Variants in CSMD3 observed in about 807,000 individuals in gnomAD.
CSMD3 encodes CUB and sushi domain-containing protein 3.
In CSMD3, 177 loss-of-function variants were observed where a neutral mutation model predicts 435.2. That is an observed-to-expected ratio of 0.41 (90% confidence interval 0.36 to 0.46). CSMD3 has a LOEUF of 0.46. Ranked by LOEUF, CSMD3 falls within the 20% of genes least tolerant of loss-of-function variation. The pLI is 0.34. For missense variants in CSMD3, 4,265 were observed against 4,504.6 expected, an observed-to-expected ratio of 0.95 and a Z score of 1.52; for synonymous variants, 1,656 against 1,520.5, an observed-to-expected ratio of 1.09 and a Z score of -2.07.
chr8:112,941,970 A>T (rs1170877983), intron 9 of CSMD3, among the ~76,000 whole-genome samples: 2 of 149,678 alleles, frequency 1.3e-5, no homozygotes, highest in Admixed American at 6.6e-5. Context: ...ATTAAAGTTC[A>T]TAATTACATT....
chr8:113,307,131 G>A (rs1238916800), intron 2 of CSMD3, among the ~76,000 whole-genome samples: 3 of 151,896 alleles, frequency 2.0e-5, no homozygotes, highest in Non-Finnish European at 2.9e-5. Context: ...ATCCAAAGAG[G>A]GAGAAGAGTA....
At chr8:113,215,110 G>T (rs1160224908) in intron 3 of CSMD3, among the ~76,000 whole-genome samples, 1 of 151,774 alleles carries the variant, frequency 6.6e-6, no homozygotes, top group Non-Finnish European at 1.5e-5. Flanking sequence ...CATTTTTATG[G>T]CTTTAAAGAT....
chr8:112,925,881 A>T (rs977073156), intron 9 of CSMD3, among the ~76,000 whole-genome samples: 2 of 152,192 alleles, frequency 1.3e-5, no homozygotes, highest in Non-Finnish European at 1.5e-5. Flanking sequence ...AGGGAATGGG[A>T]TATTTTAAAA....
chr8:112,832,457 T>C (rs1168687367), intron 11 of CSMD3, among the ~76,000 whole-genome samples: 1 of 152,084 alleles, frequency 6.6e-6, no homozygotes, highest in Non-Finnish European at 1.5e-5. Flanking sequence ...GAGATTCCCT[T>C]TAAAAGAAGG....
intron 5 of CSMD3, among the ~76,000 whole-genome samples, chr8:113,029,035 A>G (rs1415552611): frequency 1.3e-5 from 2 of 151,564 alleles, no homozygotes; most frequent in African/African-American, 4.8e-5. Flanking sequence ...AGACAGACTG[A>G]CTGTGTTGTC....
intron 35 of CSMD3, 74 bp from the exon 36 acceptor site, chr8:112,390,862 T>G: frequency 3.7e-6 from 5 of 1,365,836 alleles, no homozygotes; most frequent in Non-Finnish European, 5.2e-6. Context: ...AGGTCAGAGA[T>G]AACATCTTAG....
In CSMD3 at chr8:113,398,950, G is replaced by A. The variant is rs1292133824; in HGVS notation, c.178+37727C>T. On this transcript the variant is annotated intron_variant, in intron 1 of 70. Transcript: ENST00000297405. The stretch of plus-strand genomic sequence containing the variant: ...AAGTTGAGGGACAAGGCCTGTGTTT[G>A]AACCTTAAAGATGATCTCAAAAATT... 2.0e-5 allele frequency among the ~76,000 whole-genome samples: 3 copies of A among 151,534 alleles called. No individual in the cohort carries two copies. In the East Asian group the frequency reaches 5.8e-4, roughly 29 times the overall value.
intron 9 of CSMD3, among the ~76,000 whole-genome samples, chr8:112,934,652 T>G (rs2083221505): frequency 6.6e-6 from 1 of 152,072 alleles, no homozygotes; most frequent in Non-Finnish European, 1.5e-5. Flanking sequence ...AATGCTAAGT[T>G]TTTAGAACAT....
chr8:112,272,020 C>G (rs1476721822), intron 59 of CSMD3, among the ~76,000 whole-genome samples: 23 of 152,122 alleles, frequency 1.5e-4, no homozygotes, highest in Admixed American at 6.6e-4. Flanking sequence ...GCTCTTTCAC[C>G]TTCTGCCAGT....
chr8:113,406,115 T>C (rs748480307), intron 1 of CSMD3, among the ~76,000 whole-genome samples: 1 of 151,842 alleles, frequency 6.6e-6, no homozygotes, highest in Non-Finnish European at 1.5e-5. Context: ...AGAAATACTG[T>C]GAAAAAAGTG....
intron 1 of CSMD3, among the ~76,000 whole-genome samples, chr8:113,436,150 A>T (rs1466587585): frequency 2.6e-5 from 4 of 152,154 alleles, no homozygotes; most frequent in Non-Finnish European, 5.9e-5. Flanking sequence ...CCCAATTTAC[A>T]TACATATGCA....
At chr8:112,687,354 C>T (rs1027698427) in intron 14 of CSMD3, among the ~76,000 whole-genome samples, 6 of 152,002 alleles carry the variant, frequency 3.9e-5, no homozygotes, top group African/African-American at 1.4e-4. Context: ...ATTATCTGCT[C>T]ATAAACTGAT....
intron 4 of CSMD3, among the ~76,000 whole-genome samples, chr8:113,125,606 G>A (rs1204084729): frequency 1.3e-5 from 2 of 151,850 alleles, no homozygotes; most frequent in Non-Finnish European, 2.9e-5. Context: ...TCAGAAAGAT[G>A]AGAAATAAAT....
At chr8:113,116,327 A>G (rs1246936539) in intron 4 of CSMD3, among the ~76,000 whole-genome samples, 1 of 152,118 alleles carries the variant, frequency 6.6e-6, no homozygotes, top group Non-Finnish European at 1.5e-5. Context: ...TGGTTATATA[A>G]GGAGTTTATG....
chr8:113,097,260 A>G (rs1161571275), intron 5 of CSMD3, among the ~76,000 whole-genome samples: 1 of 152,034 alleles, frequency 6.6e-6, no homozygotes, highest in Non-Finnish European at 1.5e-5. Context: ...CTTAATTTTG[A>G]TTTTTACTAG....
intron 23 of CSMD3, among the ~76,000 whole-genome samples, chr8:112,579,766 T>C (rs1830210061): frequency 6.6e-6 from 1 of 152,042 alleles, no homozygotes; most frequent in South Asian, 2.1e-4. Flanking sequence ...AATAACTTTA[T>C]CATGTCTCTA....
At chr8:113,211,309 T>A (rs1045399648) in intron 3 of CSMD3, among the ~76,000 whole-genome samples, 2 of 152,160 alleles carry the variant, frequency 1.3e-5, no homozygotes, top group Non-Finnish European at 2.9e-5. Flanking sequence ...TCAATTTCCA[T>A]TTAAATATTT....
intron 1 of CSMD3, among the ~76,000 whole-genome samples, chr8:113,368,766 T>G (rs2133039435): frequency 6.6e-6 from 1 of 152,240 alleles, no homozygotes; most frequent in Non-Finnish European, 1.5e-5. Flanking sequence ...AATATTTACA[T>G]ATCATTTATA....
chr8:112,400,929 AG>A (rs1831279046), intron 35 of CSMD3, among the ~76,000 whole-genome samples: 1 of 152,144 alleles, frequency 6.6e-6, no homozygotes, highest in Admixed American at 6.5e-5. Context: ...GTCTTGGGCC[AG>A]GCCCGGTGGC....
Sources: allele counts gnomAD v4.1 joint callset (sites outside exome capture counted in the v4.1 genomes callset), GRCh38; gene constraint gnomAD v4.1.1; transcripts MANE v1.5; gene names NCBI Gene and HGNC (gene_info 2026-07-23, HGNC 2026-07-21).